NPAS3: variants seen among roughly 807,000 people sequenced by gnomAD.
NPAS3 encodes the protein neuronal PAS domain protein 3, also known as neuronal PAS domain-containing protein 3.
In NPAS3, 14 loss-of-function variants were observed where a neutral mutation model predicts 73.1. The ratio of observed to expected loss-of-function variants is 0.19; its 90% confidence interval spans 0.13 to 0.30. NPAS3 has a LOEUF of 0.30. NPAS3 is among the 10% of genes least tolerant of loss of function. The pLI is 1.00. For missense variants in NPAS3, 1,096 were observed against 1,250.0 expected, an observed-to-expected ratio of 0.88 and a Z score of 1.86; for synonymous variants, 620 against 541.5, an observed-to-expected ratio of 1.14 and a Z score of -2.01.
In NPAS3 at chr14:33,789,583, C is replaced by CTTTTT. The variant is rs10567527; in HGVS notation, c.1154-4295_1154-4291dup. Among the ~76,000 whole-genome samples the CTTTTT allele has an allele frequency of 4.7e-4, 43 of 92,410 alleles. 6 individuals carry two copies. The highest frequency in any genetic ancestry group is 1.1e-3 in the East Asian group (3 of 2,634). 60.6% of individuals were successfully genotyped at this position (92,410 alleles called of 152,430 possible). ...ACTAAAAGTAATTACTAGAGTACAA[C>CTTTTT]TTTTTTTTTTTTTTTTTTTTTTTGA... On this transcript the variant is annotated intron_variant, in intron 9 of 11. Coordinates refer to ENST00000356141, the Ensembl canonical transcript of NPAS3.
chr14:33,510,468 G>A (rs559259817), intron 4 of NPAS3, among the ~76,000 whole-genome samples: 25 of 152,074 alleles, frequency 1.6e-4, no homozygotes, highest in African/African-American at 6.0e-4. Context: ...GTGGAGGGGG[G>A]ACTGGCCTTG....
intron 5 of NPAS3, among the ~76,000 whole-genome samples, chr14:33,594,212 A>G (rs1167511697): frequency 6.6e-6 from 1 of 152,212 alleles, no homozygotes; most frequent in African/African-American, 2.4e-5. Flanking sequence ...ATCTTCCTAC[A>G]TACTTTAAAT....
chr14:33,388,933 A>G (rs1361697285), intron 4 of NPAS3, among the ~76,000 whole-genome samples: 1 of 152,156 alleles, frequency 6.6e-6, no homozygotes, highest in East Asian at 1.9e-4. Context: ...TTCATACTTG[A>G]TAACTTCACT....
chr14:33,540,458 G>A (rs532628998), intron 4 of NPAS3, among the ~76,000 whole-genome samples: 50 of 152,196 alleles, frequency 3.3e-4, no homozygotes, highest in African/African-American at 1.1e-3. Context: ...TGCACGCTGG[G>A]AAGAAAAAAC....
chr14:33,402,876 T>G (rs921635298), intron 4 of NPAS3, among the ~76,000 whole-genome samples: 1 of 152,124 alleles, frequency 6.6e-6, no homozygotes, highest in Non-Finnish European at 1.5e-5. Flanking sequence ...AAGCATTTGT[T>G]CATGTATGTC....
chr14:33,348,072 T>C (rs2044833288), intron 3 of NPAS3, among the ~76,000 whole-genome samples: 1 of 152,162 alleles, frequency 6.6e-6, no homozygotes, highest in Non-Finnish European at 1.5e-5. Context: ...GGCAGGAATG[T>C]GTGGAGTATG....
At chr14:33,461,715 T>C (rs1342833016) in intron 4 of NPAS3, among the ~76,000 whole-genome samples, 4 of 152,174 alleles carry the variant, frequency 2.6e-5, no homozygotes, top group African/African-American at 9.7e-5. Context: ...TAGTATCCAA[T>C]GATAAGGTTA....
intron 4 of NPAS3, among the ~76,000 whole-genome samples, chr14:33,388,971 ATGT>A (rs1342995301): frequency 6.6e-6 from 1 of 152,044 alleles, no homozygotes; most frequent in African/African-American, 2.4e-5. Context: ...CGCTATTAAC[ATGT>A]TGTTCCCTTC....
At chr14:33,081,587 T>C (rs2041865055) in intron 2 of NPAS3, among the ~76,000 whole-genome samples, 1 of 151,288 alleles carries the variant, frequency 6.6e-6, no homozygotes, top group Non-Finnish European at 1.5e-5. Flanking sequence ...CCCCACCATT[T>C]GCACAGTTTC....
At chr14:33,753,246 T>G (rs970245307) in intron 7 of NPAS3, among the ~76,000 whole-genome samples, 1 of 152,106 alleles carries the variant, frequency 6.6e-6, no homozygotes, top group Admixed American at 6.5e-5. Context: ...TGCTAAGATT[T>G]TTATCAATAA....
intron 2 of NPAS3, among the ~76,000 whole-genome samples, chr14:33,099,468 T>C (rs958868490): frequency 1.3e-5 from 2 of 151,724 alleles, no homozygotes; most frequent in Non-Finnish European, 2.9e-5. Flanking sequence ...CTACATTAAA[T>C]GTAATGAAGG....
chr14:33,512,253 A>C (rs1322927003), intron 4 of NPAS3, among the ~76,000 whole-genome samples: 1 of 151,972 alleles, frequency 6.6e-6, no homozygotes, highest in African/African-American at 2.4e-5. Context: ...ATACTTCTCC[A>C]CATCAAATTT....
At chr14:33,392,295 A>G (rs925786400) in intron 4 of NPAS3, among the ~76,000 whole-genome samples, 8 of 152,152 alleles carry the variant, frequency 5.3e-5, no homozygotes, top group African/African-American at 9.6e-5. Context: ...TTTATTGAGC[A>G]TTTATCACAT....
intron 1 of NPAS3, among the ~76,000 whole-genome samples, chr14:32,968,071 A>AG (rs774808196): frequency 6.6e-6 from 1 of 152,198 alleles, no homozygotes; most frequent in Non-Finnish European, 1.5e-5. Context: ...AGTGGTTACC[A>AG]GAGACAGGGA....
chr14:33,038,964 G>A (rs1173097629), intron 1 of NPAS3, among the ~76,000 whole-genome samples: 1 of 152,108 alleles, frequency 6.6e-6, no homozygotes, highest in African/African-American at 2.4e-5. Context: ...AGTATGAGTG[G>A]CTTTTCAGAG....
intron 2 of NPAS3, among the ~76,000 whole-genome samples, chr14:33,206,023 A>G (rs1404487574): frequency 6.6e-6 from 1 of 152,206 alleles, no homozygotes; most frequent in African/African-American, 2.4e-5. Context: ...CCAAATTGGA[A>G]TAGGTGTTTA....
chr14:33,132,440 C>T (rs1468380542), intron 2 of NPAS3, among the ~76,000 whole-genome samples: 1 of 152,104 alleles, frequency 6.6e-6, no homozygotes, highest in Non-Finnish European at 1.5e-5. Flanking sequence ...TTAAACCATA[C>T]ATACCTGTTC....
At chr14:33,154,354 G>A (rs567979210) in intron 2 of NPAS3, among the ~76,000 whole-genome samples, 2 of 152,316 alleles carry the variant, frequency 1.3e-5, no homozygotes, top group African/African-American at 4.8e-5. Context: ...AGGAATGTGT[G>A]CATAATCTTT....
chr14:33,650,886 C>G (rs2058973285), intron 5 of NPAS3, among the ~76,000 whole-genome samples: 1 of 152,166 alleles, frequency 6.6e-6, no homozygotes, highest in Non-Finnish European at 1.5e-5. Context: ...GGACCCAGGC[C>G]AGAACCGACA....
Sources: gnomAD v4.1 joint callset for allele counts (sites outside exome capture counted in the v4.1 genomes callset) on GRCh38, gnomAD v4.1.1 for gene constraint, MANE v1.5 for transcripts, NCBI Gene and HGNC (gene_info 2026-07-23, HGNC 2026-07-21) for gene names.